SLC38A4: variants seen among roughly 807,000 people sequenced by gnomAD.
SLC38A4 encodes the protein sodium-coupled neutral amino acid transporter 4.
Under a neutral mutation model 63.1 loss-of-function variants are expected in SLC38A4, and 20 were observed. The ratio of observed to expected loss-of-function variants is 0.32; its 90% CI spans 0.22 to 0.46. SLC38A4 has a LOEUF of 0.46. SLC38A4 is among the 20% of genes least tolerant of loss of function. SLC38A4 has a pLI of 1.00. For synonymous variants in SLC38A4, 230 were observed against 225.5 expected (o/e 1.02, Z -0.18); for missense variants, 526 against 663.6 (o/e 0.79, Z 2.28).
chr12:46,796,300 T>G (rs1291882911), intron 2 of SLC38A4, among the ~76,000 whole-genome samples: 1 of 152,188 alleles, frequency 6.6e-6, no homozygotes, highest in East Asian at 1.9e-4. Context: ...TCTCAGATTT[T>G]TCTAAGGATA....
intron 12 of SLC38A4, 28 bp downstream of exon 12, chr12:46,778,261 T>A: frequency 6.2e-7 from 1 of 1,605,620 alleles, no homozygotes; most frequent in South Asian, 1.1e-5. Flanking sequence ...CAAAGCAAAT[T>A]AGAATGCTAA....
chr12:46,801,840 A>T (rs1194322506), intron 2 of SLC38A4, among the ~76,000 whole-genome samples: 1 of 152,098 alleles, frequency 6.6e-6, no homozygotes, highest in Non-Finnish European at 1.5e-5. Context: ...TTCTCACAGA[A>T]ATTAGCTTCC....
intron 1 of SLC38A4, among the ~76,000 whole-genome samples, chr12:46,815,700 A>G (rs1939430105): frequency 6.6e-6 from 1 of 151,952 alleles, no homozygotes; most frequent in Admixed American, 6.6e-5. Flanking sequence ...CAAATATTAA[A>G]TAACTAAACT....
At chr12:46,815,284 T>TACACAC (rs369027203) in intron 1 of SLC38A4, among the ~76,000 whole-genome samples, 2 of 82,970 alleles carry the variant, frequency 2.4e-5, no homozygotes, top group East Asian at 4.3e-4. Flanking sequence ...TATATATATA[T>TACACAC]ACACACACAC....
At chr12:46,815,240 G>GAT (rs56368111) in intron 1 of SLC38A4, among the ~76,000 whole-genome samples, 108 of 89,600 alleles carry the variant, frequency 1.2e-3, no homozygotes, top group Middle Eastern at 0.016. Context: ...ATGGCTAAAG[G>GAT]ATATATATAT....
In SLC38A4 at chr12:46,765,513, A is replaced by G. The variant is rs371804202; in HGVS notation, c.*1188T>C. ...TGTAGATCATCCTATTATTGTAAAT[A>G]TTGAAGAAGAGCATTGCCAAACTAT... On this transcript the variant is annotated 3_prime_UTR_variant, in exon 17 of 17. Transcript: ENST00000266579. 1.0e-4 allele frequency: 33 copies of G among 315,014 alleles called. No homozygotes were observed. The East Asian group carries it at 2.7e-3, about 26-fold the overall frequency. 19.5% of individuals were successfully genotyped at this position (315,014 alleles called of 1,614,324 possible).
At chr12:46,771,698 G>C (rs760251741) in intron 14 of SLC38A4, among the ~76,000 whole-genome samples, 1 of 152,086 alleles carries the variant, frequency 6.6e-6, no homozygotes, top group African/African-American at 2.4e-5. Flanking sequence ...TGTGGTGGTG[G>C]TGGAAAAGAT....
At chr12:46,788,226 G>A (rs908997334) in intron 4 of SLC38A4, among the ~76,000 whole-genome samples, 195 bp from the exon 5 acceptor site, 1 of 152,194 alleles carries the variant, frequency 6.6e-6, no homozygotes, top group African/African-American at 2.4e-5. Context: ...GGTTTCAGCA[G>A]AGGCCTCAGT....
At chr12:46,769,840 C>G (rs973371454) in intron 14 of SLC38A4, among the ~76,000 whole-genome samples, 3 of 152,016 alleles carry the variant, frequency 2.0e-5, no homozygotes, top group Admixed American at 1.3e-4. Flanking sequence ...TGCCATATAG[C>G]CTTAGTGTAT....
intron 6 of SLC38A4, 120 bp from the exon 7 acceptor site, chr12:46,784,754 A>G (rs901305904): frequency 6.8e-6 from 5 of 735,334 alleles, no homozygotes; most frequent in Non-Finnish European, 1.1e-5. Flanking sequence ...AGAAATTATA[A>G]GCCCAAAAGA....
chr12:46,778,294 A>G lies in SLC38A4; in HGVS notation c.1068T>C (p.Leu356=). 6.2e-7 allele frequency: 1 copy of G among 1,612,360 alleles called. No individual in the cohort carries two copies. Among genetic ancestry groups the G allele is most frequent in the Non-Finnish European group, 8.5e-7 (1 of 1,178,888 alleles). ...TAAAATGATGGCTGCCTTACTCTTT[A>G]AGTTCACTGTAGATGGGAAGGACCT... ...HPEVLPIYSE[L]KDRSRRKMQT... The change falls in exon 12 of 17, where the codon CTT becomes CTC. Residue 356 remains leucine, a synonymous_variant. Transcript: ENST00000266579.
intron 2 of SLC38A4, among the ~76,000 whole-genome samples, chr12:46,797,164 G>T (rs1939027104): frequency 1.3e-5 from 2 of 152,084 alleles, no homozygotes; most frequent in Admixed American, 6.6e-5. Context: ...CATATAACGT[G>T]ATGGTTAATT....
chr12:46,820,208 T>C (rs1939514402), intron 1 of SLC38A4, among the ~76,000 whole-genome samples: 1 of 151,974 alleles, frequency 6.6e-6, no homozygotes, highest in African/African-American at 2.4e-5. Flanking sequence ...ACACTTAACA[T>C]GAAATCTACC....
Position 46,775,167 on chromosome 12 carries a change from A to G in SLC38A4, c.1181T>C (p.Val394Ala), listed in dbSNP as rs760152192. The change falls in exon 14 of 17, where the codon GTT (valine) becomes GCT (alanine). Residue 394 changes from valine to alanine, a missense_variant. Physicochemically the swap from Val to Ala is moderately conservative, Grantham distance 64. Transcript: ENST00000266579. ...GTAGGCATGAAGTAATTCATCTTCA[A>G]CTTCTCCTACAACAGGAAAAAGAGA... ...LFGYLTFYGE[V>A]EDELLHAYSK... 1 of 1,611,656 alleles carries G rather than the reference A, an allele frequency of 6.2e-7. No individual in the cohort carries two copies. The highest frequency in any genetic ancestry group is 8.5e-7 in the Non-Finnish European group (1 of 1,178,596).
upstream of SLC38A4, among the ~76,000 whole-genome samples, chr12:46,826,928 A>G (rs530173551): frequency 6.6e-6 from 1 of 152,384 alleles, no homozygotes; most frequent in African/African-American, 2.4e-5. Context: ...TTTCTGTCAA[A>G]AAACAGAAAG....
chr12:46,782,802 G>T (rs1046158696), intron 7 of SLC38A4, among the ~76,000 whole-genome samples: 9 of 150,282 alleles, frequency 6.0e-5, no homozygotes, highest in Admixed American at 5.4e-4. Flanking sequence ...ATTAGACAAA[G>T]GAGTACAGTG....
intron 14 of SLC38A4, among the ~76,000 whole-genome samples, chr12:46,772,101 C>G (rs1385180177): frequency 1.4e-5 from 2 of 147,348 alleles, no homozygotes; most frequent in African/African-American, 5.0e-5. Context: ...TGTGGAGGCA[C>G]AGGAGGAAGT....
chr12:46,782,480 A>G (rs1938663901), intron 7 of SLC38A4, among the ~76,000 whole-genome samples: 1 of 152,086 alleles, frequency 6.6e-6, no homozygotes, highest in African/African-American at 2.4e-5. Flanking sequence ...TACTAACAAT[A>G]TTCAATGTAT....
At chr12:46,805,288 C>T (rs999026128) in intron 1 of SLC38A4, among the ~76,000 whole-genome samples, 4 of 151,978 alleles carry the variant, frequency 2.6e-5, no homozygotes, top group Admixed American at 2.6e-4. Context: ...AATCATGTTT[C>T]TTTTAAACCT....
Sources: allele counts gnomAD v4.1 joint callset (sites outside exome capture counted in the v4.1 genomes callset), GRCh38; gene constraint gnomAD v4.1.1; transcripts MANE v1.5; gene names NCBI Gene and HGNC (gene_info 2026-07-23, HGNC 2026-07-21).